The following PCSK6 variants were observed in gnomAD, a reference collection of about 807,000 sequenced individuals.
The protein encoded by PCSK6 is paired basic amino acid cleaving enzyme 4.
A neutral mutation model predicts 123.3 loss-of-function variants in PCSK6; 85 were observed. That is an observed-to-expected ratio of 0.69 (90% CI 0.58 to 0.83). The LOEUF (loss-of-function observed/expected upper bound fraction) is 0.83, where lower values mean the gene tolerates loss of function less well. Among genes scored for constraint, PCSK6 ranks in the 40% least tolerant of loss-of-function variants. The pLI, the probability that PCSK6 is intolerant of heterozygous loss-of-function variation, is 0.00. For missense variants in PCSK6, 1,191 were observed against 1,282.3 expected, an observed-to-expected ratio of 0.93 and a Z score of 1.09; for synonymous variants, 508 against 516.0, an observed-to-expected ratio of 0.98 and a Z score of 0.21.
At position 101,307,866 on chromosome 15, in the gene PCSK6, G is replaced by A. The variant is rs148682621; in HGVS notation, c.2700-541C>T. 1.6e-3 allele frequency: 258 copies of A among 158,700 alleles called. 1 individual carries two copies. Among genetic ancestry groups the A allele is most frequent in the African/African-American group, 5.7e-3 (236 of 41,700 alleles). The allele number at this position is 158,700 out of a possible 1,614,324, so 9.8% of individuals were successfully genotyped here. A position where few individuals can be genotyped will look rare whatever the true frequency, so the allele number is the denominator to read the frequency against. On this transcript the variant is annotated intron_variant, in intron 20 of 21. Coordinates refer to ENST00000611716, the MANE Select transcript of PCSK6 (RefSeq NM_002570.5). ...CCCACAATTCCTGCCCCTCTCGGAC[G>A]GTCCTGGCCCAGCCTGCGCAGAGAT... is the stretch of plus-strand genomic sequence containing the variant.
intron 21 of PCSK6, among the ~76,000 whole-genome samples, chr15:101,306,936 A>G (rs2039736012): frequency 6.6e-6 from 1 of 152,168 alleles, no homozygotes; most frequent in East Asian, 1.9e-4. Context: ...GGACCAGTAC[A>G]AGGACAAAAT....
chr15:101,316,546 A>G (rs746920080), intron 19 of PCSK6, among the ~76,000 whole-genome samples: 6 of 152,268 alleles, frequency 3.9e-5, no homozygotes, highest in Non-Finnish European at 5.9e-5. Context: ...TCTGGGCTAA[A>G]TAAGTCAAAG....
chr15:101,390,622 C>G (rs1004932316), intron 8 of PCSK6, among the ~76,000 whole-genome samples: 1 of 152,136 alleles, frequency 6.6e-6, no homozygotes, highest in Non-Finnish European at 1.5e-5. Context: ...AGGCTGAGAA[C>G]GGGCCCCAGC....
At chr15:101,397,277 T>C (rs2141569753) in intron 7 of PCSK6, among the ~76,000 whole-genome samples, 1 of 151,868 alleles carries the variant, frequency 6.6e-6, no homozygotes. Context: ...TGAACATGGT[T>C]TGAAAACAGA....
At chr15:101,356,098 G>T (rs982781470) in intron 13 of PCSK6, among the ~76,000 whole-genome samples, 7 of 152,220 alleles carry the variant, frequency 4.6e-5, no homozygotes, top group African/African-American at 1.7e-4. Context: ...TCTGCATTCT[G>T]GGTCCAAACT....
chr15:101,305,610 A>C lies in PCSK6; in HGVS notation c.2813-255T>G. ...GTAATCCAAGCTACTCGGGAGGCTA[A>C]AGCAGGAGAACCACCTGAACCCAGG... is the stretch of plus-strand genomic sequence containing the variant. On this transcript the variant is annotated intron_variant, in intron 21 of 21. Coordinates refer to ENST00000611716, the MANE Select transcript of PCSK6 (RefSeq NM_002570.5). The surrounding 1 kb of genome is among the most constrained non-coding windows in gnomAD (Gnocchi z 4.8). 1 of 394,786 alleles carries C rather than the reference A, an allele frequency of 2.5e-6. No individual in the cohort carries two copies. Among genetic ancestry groups the C allele is most frequent in the Non-Finnish European group, 4.7e-6 (1 of 213,268 alleles). The allele number at this position is 394,786 out of a possible 1,614,324, so 24.5% of individuals were successfully genotyped here. A position where few individuals can be genotyped will look rare whatever the true frequency, so the allele number is the denominator to read the frequency against.
At chr15:101,376,770 A>G (rs2041756807) in intron 11 of PCSK6, among the ~76,000 whole-genome samples, 1 of 152,252 alleles carries the variant, frequency 6.6e-6, no homozygotes, top group South Asian at 2.1e-4. Context: ...TACAAGGGGT[A>G]GCAGCAGGCA....
chr15:101,337,361 T>C (rs1159313166), intron 13 of PCSK6: 1 of 152,220 alleles, frequency 6.6e-6, no homozygotes, highest in East Asian at 1.9e-4. Context: ...CACTTTGGTT[T>C]TCCTGCCTTT....
chr15:101,358,106 G>A lies in PCSK6; in HGVS notation c.1858+8090C>T, dbSNP rs185356821. 5.9e-5 allele frequency among the ~76,000 whole-genome samples: 9 copies of A among 152,256 alleles called. No homozygotes were observed. In the South Asian group the frequency reaches 1.2e-3, roughly 21 times the overall value. On this transcript the variant is annotated intron_variant, in intron 13 of 21. Coordinates refer to ENST00000611716, the MANE Select transcript of PCSK6 (RefSeq NM_002570.5). ...TGGATCGGGTGGGGAAGCCTGGCTC[G>A]TCACTGCTGAGCCCCTCTGTGGTCC...
chr15:101,384,720 C>T (rs546185689), intron 9 of PCSK6, among the ~76,000 whole-genome samples: 1 of 152,186 alleles, frequency 6.6e-6, no homozygotes, highest in African/African-American at 2.4e-5. Context: ...ATGGGAAATT[C>T]TGAAAATACA....
rs373918878 is a variant in PCSK6, at chr15:101,384,375, C to A, written c.1361G>T (p.Arg454Leu). 1 of 1,613,836 alleles carries A rather than the reference C, an allele frequency of 6.2e-7. No homozygotes were observed. The highest frequency in any genetic ancestry group is 8.5e-7 in the Non-Finnish European group (1 of 1,179,838). Residue 454 changes from arginine to leucine, a missense_variant, in exon 10 of 22, where the codon CGG (arginine) becomes CTG (leucine). Physicochemically the swap from Arg to Leu is moderately radical, Grantham distance 102. This residue lies in a region of PCSK6 where 357 missense variants were observed against 484.5 expected (regional missense o/e 0.74). Transcript: ENST00000611716. Reference sequence around the variant, plus strand: ...GTCGCTCGCTTTCAGGTGGGCCGGCCGGGATGTCTTCACTAGCAGGTGCTG... The same window carrying A: ...GTCGCTCGCTTTCAGGTGGGCCGGCAGGGATGTCTTCACTAGCAGGTGCTG... ...DVQHLLVKTS[R>L]PAHLKASDWK...
intron 15 of PCSK6, among the ~76,000 whole-genome samples, chr15:101,330,233 G>A (rs116961872): frequency 6.6e-6 from 1 of 152,156 alleles, no homozygotes; most frequent in South Asian, 2.1e-4. Context: ...CCTCTCCAGG[G>A]ACCATCTTGC....
intron 1 of PCSK6, among the ~76,000 whole-genome samples, chr15:101,471,248 C>A (rs2057596511): frequency 6.6e-6 from 1 of 152,192 alleles, no homozygotes; most frequent in Non-Finnish European, 1.5e-5. Context: ...TTGATGACAT[C>A]ATTTGCCCTA....
intron 20 of PCSK6, chr15:101,307,654 A>C: frequency 3.6e-6 from 1 of 276,214 alleles, no homozygotes; most frequent in Non-Finnish European, 7.1e-6. Flanking sequence ...CCCCCACCCC[A>C]CCACACGGCT....
At chr15:101,466,681 T>G (rs1288844777) in intron 1 of PCSK6, among the ~76,000 whole-genome samples, 1 of 152,174 alleles carries the variant, frequency 6.6e-6, no homozygotes, top group Non-Finnish European at 1.5e-5. Flanking sequence ...AATCATGACA[T>G]ATTAATACAT....
chr15:101,360,842 C>T (rs1297170888), intron 13 of PCSK6, among the ~76,000 whole-genome samples: 1 of 152,224 alleles, frequency 6.6e-6, no homozygotes, highest in Non-Finnish European at 1.5e-5. Context: ...CTTCCCGGTA[C>T]ACCCTGAAAT....
rs1420106879 is a variant in PCSK6 at position 101,349,693 on chromosome 15, A to T, written c.1858+16503T>A. On this transcript the variant is annotated intron_variant, in intron 13 of 21. Transcript: ENST00000611716. ...GGTGCTGGTAAGACGCTGATGAGGGAGTCATCAGTCCCAGGTCTCCCAGCC... is the reference window on the plus strand; with the variant it reads ...GGTGCTGGTAAGACGCTGATGAGGGTGTCATCAGTCCCAGGTCTCCCAGCC... Among the ~76,000 whole-genome samples the T allele has an allele frequency of 4.6e-5, 7 of 152,098 alleles. No individual in the cohort carries two copies. In the East Asian group the frequency reaches 1.4e-3, roughly 29 times the overall value.
chr15:101,398,941 C>T lies in PCSK6; in HGVS notation c.824-365G>A, dbSNP rs971788358. On this transcript the variant is annotated intron_variant, in intron 6 of 21. Coordinates refer to ENST00000611716, the MANE Select transcript of PCSK6 (RefSeq NM_002570.5). This position sits in a 1 kb window ranked among gnomAD's most constrained non-coding sequence, Gnocchi z 4.6. ...ATTTTGAGACAGAGTCTCACTCTGT[C>T]ACCCAGGCTGGAGGGCAGTGGTGCA... is the stretch of plus-strand genomic sequence containing the variant. Among the ~76,000 whole-genome samples the T allele has an allele frequency of 5.9e-5, 9 of 152,052 alleles. No individual in the cohort carries two copies. The highest frequency in any genetic ancestry group is 2.2e-4 in the African/African-American group (9 of 41,362).
In PCSK6 at chr15:101,326,390, C is replaced by T. The variant is rs777730444; in HGVS notation, c.2167G>A (p.Val723Ile). 5.1e-6 allele frequency: 8 copies of T among 1,573,572 alleles called. No individual in the cohort carries two copies. Among genetic ancestry groups the T allele is most frequent in the Non-Finnish European group, 6.9e-6 (8 of 1,159,132 alleles). ...LNCVHFSLGS[V>I]KTSRKCVSVC... Reference sequence around the variant, plus strand: ...GACATGCATTACCTGCTGGTCTTGACACTCCCCAGGCTGAAGTGGACGCAG... The same window carrying T: ...GACATGCATTACCTGCTGGTCTTGATACTCCCCAGGCTGAAGTGGACGCAG... The change falls in exon 16 of 22, where the codon GTC (valine) becomes ATC (isoleucine). Residue 723 changes from valine (V) to isoleucine (I), a missense_variant. By Grantham distance (29) the Val-to-Ile change is conservative. Around this residue, in one of 3 missense-constraint regions of PCSK6, gnomAD observed 630 missense variants for 631.4 expected, o/e 1.00. Transcript: ENST00000611716.
Sources: allele counts gnomAD v4.1 joint callset (sites outside exome capture counted in the v4.1 genomes callset), GRCh38; gene constraint gnomAD v4.1.1; regional missense constraint gnomAD v4.1.1; non-coding constraint Gnocchi (gnomAD v3.1); transcripts MANE v1.5; gene names NCBI Gene and HGNC (gene_info 2026-07-23, HGNC 2026-07-21).